The following ZEB2 variants were observed in gnomAD, a reference collection of about 807,000 sequenced individuals.
The protein encoded by ZEB2 is zinc finger E-box-binding homeobox 2.
A neutral mutation model predicts 99.9 loss-of-function variants in ZEB2; 6 were observed. That is an observed-to-expected ratio of 0.06 (90% CI 0.03 to 0.12). ZEB2 has a LOEUF of 0.12. Ranked by LOEUF, ZEB2 falls within the 10% of genes least tolerant of loss-of-function variation. The pLI, the probability that ZEB2 is intolerant of heterozygous loss-of-function variation, is 1.00. For missense variants in ZEB2, 969 were observed against 1,502.8 expected, an observed-to-expected ratio of 0.64 and a Z score of 5.87; for synonymous variants, 517 against 542.5, an observed-to-expected ratio of 0.95 and a Z score of 0.65.
At chr2:144,516,152 C>G (rs1378616419) in intron 2 of ZEB2, 1 of 152,014 alleles carries the variant, frequency 6.6e-6, no homozygotes, top group Non-Finnish European at 1.5e-5. Flanking sequence ...GGCTGGCGCT[C>G]GTTCGCTTGT....
In ZEB2 at chr2:144,385,229, C is replaced by T. The variant is rs1302028255; in HGVS notation, c.*4222G>A. 3 of 144,440 alleles carry T rather than the reference C, an allele frequency of 2.1e-5. No homozygotes were observed. The highest frequency in any genetic ancestry group is 4.4e-5 in the Non-Finnish European group (3 of 67,968). The allele number at this position is 144,440 out of a possible 1,614,324, so 8.9% of individuals were successfully genotyped here. ...GAAATATAGAGATTTCACATCTCTA[C>T]ACAATACAGGTTTATAAAGTTTGCT... On this transcript the variant is annotated 3_prime_UTR_variant, in exon 10 of 10. Transcript: ENST00000627532.
At chr2:144,490,732 T>C (rs1428164997) in intron 2 of ZEB2, among the ~76,000 whole-genome samples, 2 of 152,348 alleles carry the variant, frequency 1.3e-5, no homozygotes, top group African/African-American at 4.8e-5. Context: ...AAGTTCATCA[T>C]CTTCCTATGT....
rs1703973941 is a variant in ZEB2, at chr2:144,445,684, ACAAAAT to A, written c.74-15664_74-15659del. ...ACGCAACAATACCACCCAACCACAC[ACAAAAT>A]GACAGAAATGCACCCCTCATTTTTT... On this transcript the variant is annotated intron_variant, in intron 2 of 9. Coordinates refer to ENST00000627532, the MANE Select transcript of ZEB2 (RefSeq NM_014795.4). Among the ~76,000 whole-genome samples the A allele has an allele frequency of 4.8e-5, 7 of 146,600 alleles. No homozygotes were observed. The South Asian group carries it at 1.3e-3, about 28-fold the overall frequency.
chr2:144,407,649 C>T (rs1703406500), intron 4 of ZEB2, among the ~76,000 whole-genome samples: 1 of 152,242 alleles, frequency 6.6e-6, no homozygotes, highest in African/African-American at 2.4e-5. Context: ...AGTAACTTCA[C>T]TGATTTTATC....
chr2:144,442,311 A>T (rs1314477654), intron 2 of ZEB2, among the ~76,000 whole-genome samples: 2 of 152,172 alleles, frequency 1.3e-5, no homozygotes, highest in African/African-American at 2.4e-5. Context: ...TTCCTGATAC[A>T]AGCAATATCA....
intron 2 of ZEB2, among the ~76,000 whole-genome samples, chr2:144,442,180 T>C (rs1703926805): frequency 6.6e-6 from 1 of 152,218 alleles, no homozygotes; most frequent in African/African-American, 2.4e-5. Flanking sequence ...TATAAAGTTT[T>C]ACCAAGACCT....
intron 3 of ZEB2, chr2:144,428,599 G>C (rs1225151572): frequency 6.6e-6 from 1 of 152,174 alleles, no homozygotes; most frequent in African/African-American, 2.4e-5. Context: ...ACTTGGCACA[G>C]TATGTTAGGA....
intron 2 of ZEB2, among the ~76,000 whole-genome samples, chr2:144,440,503 ATATATATATATATTTTTTTTTTTTTTTT>A (rs1703894356): frequency 1.3e-4 from 5 of 39,076 alleles, no homozygotes; most frequent in African/African-American, 2.5e-4. Flanking sequence ...ATATATATAT[ATATATATATATATTTTTTTTTTTTTTTT>A]TTTTTTTTTT....
intron 2 of ZEB2, among the ~76,000 whole-genome samples, chr2:144,442,062 A>C (rs1431200190): frequency 6.6e-6 from 1 of 152,216 alleles, no homozygotes; most frequent in East Asian, 1.9e-4. Context: ...GGACAGATAA[A>C]GGCCAATTCT....
In ZEB2 at chr2:144,404,909, G is replaced by A. The variant is rs1363607027; in HGVS notation, c.519C>T (p.Ala173=). Residue 173 remains alanine (A), a synonymous_variant, in exon 5 of 10, where the codon GCC becomes GCT. Transcript: ENST00000627532. The part of the protein sequence containing the change: ...IEEYLQRSDT[A]IIYPEAPEEL... ...CCTCAGGGGCTTCTGGGTAAATAATGGCTGTGTCACTGCGCTGAAGGTACT... is the reference window on the plus strand; with the variant it reads ...CCTCAGGGGCTTCTGGGTAAATAATAGCTGTGTCACTGCGCTGAAGGTACT... 5 of 1,614,230 alleles carry A rather than the reference G, an allele frequency of 3.1e-6. No homozygotes were observed. Among genetic ancestry groups the A allele is most frequent in the Non-Finnish European group, 4.2e-6 (5 of 1,180,030 alleles).
intron 4 of ZEB2, among the ~76,000 whole-genome samples, chr2:144,410,588 G>A (rs571555761): frequency 3.3e-5 from 5 of 152,122 alleles, no homozygotes; most frequent in African/African-American, 1.2e-4. Flanking sequence ...AGTGGGCTTT[G>A]CTTAGTGTTT....
intron 4 of ZEB2, among the ~76,000 whole-genome samples, chr2:144,420,896 G>C (rs1269289882): frequency 6.6e-6 from 1 of 152,170 alleles, no homozygotes; most frequent in Admixed American, 6.5e-5. Context: ...TTATCGGACT[G>C]AAGAACGTCC....
chr2:144,517,755 C>T (rs1705186288), intron 1 of ZEB2: 6 of 694,722 alleles, frequency 8.6e-6, no homozygotes, highest in South Asian at 7.4e-5. Flanking sequence ...CCCTTTCCTT[C>T]GAAAAGTCCT....
At chr2:144,449,203 T>G (rs1471185793) in intron 2 of ZEB2, among the ~76,000 whole-genome samples, 1 of 152,102 alleles carries the variant, frequency 6.6e-6, no homozygotes. Context: ...AGAATGAACT[T>G]CTACACTGCA....
At chr2:144,423,032 T>C (rs920203762) in intron 4 of ZEB2, among the ~76,000 whole-genome samples, 1 of 152,180 alleles carries the variant, frequency 6.6e-6, no homozygotes, top group African/African-American at 2.4e-5. Context: ...TGAACACTTA[T>C]TGATTTATTT....
At chr2:144,391,269 T>C (rs1703151191) in intron 9 of ZEB2, among the ~76,000 whole-genome samples, 1 of 152,230 alleles carries the variant, frequency 6.6e-6, no homozygotes, top group African/African-American at 2.4e-5. Context: ...TATATGTCAT[T>C]TCATTAATGG....
intron 2 of ZEB2, among the ~76,000 whole-genome samples, chr2:144,483,563 C>T (rs1461110148): frequency 2.0e-5 from 3 of 152,072 alleles, no homozygotes; most frequent in African/African-American, 7.2e-5. Context: ...AATTTGTTTG[C>T]AATTACATGA....
intron 2 of ZEB2, among the ~76,000 whole-genome samples, chr2:144,460,889 G>A (rs911552651): frequency 4.0e-5 from 6 of 151,792 alleles, no homozygotes; most frequent in Non-Finnish European, 7.4e-5. Context: ...AAAAGTCATC[G>A]GCATCAAGAA....
intron 2 of ZEB2, among the ~76,000 whole-genome samples, chr2:144,491,017 G>A (rs903545195): frequency 5.9e-5 from 9 of 152,228 alleles, no homozygotes; most frequent in Non-Finnish European, 7.3e-5. Context: ...TCAGTGATCC[G>A]TGCGTTGAGG....
Sources: allele counts gnomAD v4.1 joint callset (sites outside exome capture counted in the v4.1 genomes callset), GRCh38; gene constraint gnomAD v4.1.1; transcripts MANE v1.5; gene names NCBI Gene and HGNC (gene_info 2026-07-23, HGNC 2026-07-21).